Variants in ZNF608 observed in about 807,000 individuals in gnomAD.
ZNF608 encodes the protein zinc finger protein 608.
In ZNF608, 12 loss-of-function variants were observed where a neutral mutation model predicts 109.0. That is an observed-to-expected ratio of 0.11 (90% CI 0.07 to 0.18). ZNF608 has a LOEUF of 0.18. ZNF608 is among the 10% of genes least tolerant of loss of function. ZNF608 has a pLI of 1.00. For missense variants in ZNF608, 1,707 were observed against 1,879.3 expected (o/e 0.91, Z 1.70); for synonymous variants, 732 against 717.4 (o/e 1.02, Z -0.33).
chr5:124,738,148 T>C (rs1055925029), intron 2 of ZNF608, among the ~76,000 whole-genome samples: 2 of 152,216 alleles, frequency 1.3e-5, no homozygotes, highest in African/African-American at 4.8e-5. Context: ...CATACACATA[T>C]TACTTACTCT....
rs956421228 is a variant in ZNF608 at position 124,682,938 on chromosome 5, T to C, written c.1162+18076A>G. ...CCTGAGTGTGGGCTGAACTTACTTA[T>C]AACGAACAGAAGTAATGAGCTATCA... On this transcript the variant is annotated intron_variant, in intron 3 of 9. Transcript: ENST00000513986. 4.6e-5 allele frequency among the ~76,000 whole-genome samples: 7 copies of C among 152,316 alleles called. No individual in the cohort carries two copies. The East Asian group carries it at 1.4e-3, about 29-fold the overall frequency.
At chr5:124,664,010 T>C (rs933178779) in intron 3 of ZNF608, among the ~76,000 whole-genome samples, 2 of 152,226 alleles carry the variant, frequency 1.3e-5, no homozygotes, top group Non-Finnish European at 2.9e-5. Flanking sequence ...AACAAATCCT[T>C]AATTTTTAAC....
At chr5:124,724,594 A>G (rs910986854) in intron 2 of ZNF608, among the ~76,000 whole-genome samples, 3 of 151,166 alleles carry the variant, frequency 2.0e-5, no homozygotes, top group Non-Finnish European at 2.9e-5. Flanking sequence ...CATCAGCTAT[A>G]TTAATTCAAC....
Position 124,744,485 on chromosome 5 carries a change from T to A in ZNF608, c.505A>T (p.Ser169Cys), listed in dbSNP as rs886209250. The A allele has an allele frequency of 6.2e-7, 1 of 1,614,238 alleles. No individual in the cohort carries two copies. Among genetic ancestry groups the A allele is most frequent in the Admixed American group, 1.7e-5 (1 of 60,034 alleles). The change falls in exon 2 of 10, where the codon AGT (serine) becomes TGT (cysteine). Residue 169 changes from serine to cysteine, a missense_variant. Ser to Cys is a moderately radical substitution (Grantham distance 112). Transcript: ENST00000513986. This position sits in a 1 kb window ranked among gnomAD's most constrained non-coding sequence, Gnocchi z 4.5. Reference sequence around the variant, plus strand: ...GCGGCAGAGGTGCTGGTGCTGGTACTATTGCTGTTTGGGTTGCCGCTGCCG... The same window carrying A: ...GCGGCAGAGGTGCTGGTGCTGGTACAATTGCTGTTTGGGTTGCCGCTGCCG... ...SGGSGNPNSNSTSTSTSAATA... is the reference protein window; with the variant it reads ...SGGSGNPNSNCTSTSTSAATA...
At chr5:124,686,347 G>T (rs1298278941) in intron 3 of ZNF608, among the ~76,000 whole-genome samples, 1 of 152,198 alleles carries the variant, frequency 6.6e-6, no homozygotes, top group Non-Finnish European at 1.5e-5. Context: ...GCTTTGCCAT[G>T]AAGATTGTCC....
rs543389567 is a variant in ZNF608, at chr5:124,646,205, C to CA, written c.3705+473dup. Among the ~76,000 whole-genome samples the CA allele has an allele frequency of 8.8e-3, 1,331 of 152,074 alleles. 15 individuals are homozygous for CA. Among genetic ancestry groups the CA allele is most frequent in the African/African-American group, 0.031 (1,281 of 41,466 alleles). Reference sequence around the variant, plus strand: ...TGAAACCCCATCTCTACTAAAAATACAAAAAATTAGCCGGGCATGGTGGCA... The same window carrying CA: ...TGAAACCCCATCTCTACTAAAAATACAAAAAAATTAGCCGGGCATGGTGGCA... On this transcript the variant is annotated intron_variant, in intron 5 of 9. Coordinates refer to ENST00000513986, the MANE Select transcript of ZNF608 (RefSeq NM_020747.3).
rs546179975 is a variant in ZNF608 at position 124,656,407 on chromosome 5, C to T, written c.1163-6710G>A. 3.3e-5 allele frequency among the ~76,000 whole-genome samples: 5 copies of T among 152,312 alleles called. No individual in the cohort carries two copies. The East Asian group carries it at 7.7e-4, about 23-fold the overall frequency. ...GCGGCTGGAATATGTTGGCATCACT[C>T]TATCTGCGTTAATTATAACCTCTCA... On this transcript the variant is annotated intron_variant, in intron 3 of 9. Transcript: ENST00000513986.
At chr5:124,706,345 C>G (rs1454381877) in intron 2 of ZNF608, among the ~76,000 whole-genome samples, 1 of 152,076 alleles carries the variant, frequency 6.6e-6, no homozygotes, top group Non-Finnish European at 1.5e-5. Flanking sequence ...AGGTAGCACT[C>G]AATAAACAGG....
chr5:124,647,411 C>A lies in ZNF608; in HGVS notation c.2973G>T (p.Glu991Asp). 6.2e-7 allele frequency: 1 copy of A among 1,614,196 alleles called. No individual in the cohort carries two copies. The highest frequency in any genetic ancestry group is 1.1e-5 in the South Asian group (1 of 91,074). ...STTAQSSQLK[E>D]SHSPYYHSYD... is the part of the protein sequence containing the mutation. The stretch of plus-strand genomic sequence containing the variant: ...AGCTGTGGTAATAGGGAGAATGGGA[C>A]TCTTTCAGTTGAGATGATTGTGCTG... The change falls in exon 5 of 10, where the codon GAG becomes GAT. Residue 991 changes from glutamate to aspartate, a missense_variant. Physicochemically the swap from Glu to Asp is conservative, Grantham distance 45. Transcript: ENST00000513986.
intron 3 of ZNF608, among the ~76,000 whole-genome samples, chr5:124,680,951 C>T (rs1752169593): frequency 6.6e-6 from 1 of 151,946 alleles, no homozygotes; most frequent in Admixed American, 6.6e-5. Flanking sequence ...ATACAAAACG[C>T]ATATAAACCA....
intron 3 of ZNF608, among the ~76,000 whole-genome samples, chr5:124,688,629 G>A (rs2149834334): frequency 6.6e-6 from 1 of 152,254 alleles, no homozygotes; most frequent in South Asian, 2.1e-4. Context: ...TCAGTTTCCT[G>A]AAAATTGATC....
At chr5:124,716,907 AC>A (rs1753726107) in intron 2 of ZNF608, among the ~76,000 whole-genome samples, 1 of 151,100 alleles carries the variant, frequency 6.6e-6, no homozygotes, top group African/African-American at 2.4e-5. Flanking sequence ...ACCTGGAGAA[AC>A]CCCGTCTCTA....
chr5:124,660,808 C>T (rs1243098710), intron 3 of ZNF608, among the ~76,000 whole-genome samples: 2 of 152,194 alleles, frequency 1.3e-5, no homozygotes, highest in East Asian at 3.9e-4. Context: ...TTAAACTCTC[C>T]TGTAACTCAC....
chr5:124,652,978 T>C (rs557402761), intron 3 of ZNF608, among the ~76,000 whole-genome samples: 1 of 152,366 alleles, frequency 6.6e-6, no homozygotes, highest in South Asian at 2.1e-4. Context: ...AGCTAGGTGT[T>C]GGGGACGTTC....
intron 3 of ZNF608, among the ~76,000 whole-genome samples, chr5:124,661,493 A>T: frequency 6.6e-6 from 1 of 151,990 alleles, no homozygotes; most frequent in East Asian, 1.9e-4. Flanking sequence ...GAAAAAAAAA[A>T]AAAAGCCCCA....
At chr5:124,693,972 A>ATTTTTTTTTTTTTTTTTTTTTTTTTTTT (rs1561564262) in intron 3 of ZNF608, among the ~76,000 whole-genome samples, 1 of 23,298 alleles carries the variant, frequency 4.3e-5, no homozygotes, top group Non-Finnish European at 7.5e-5. Context: ...CATTTCATTA[A>ATTTTTTTTTTTTTTTTTTTTTTTTTTTT]TCTTTTTTTT....
rs1750715783 is a variant in ZNF608 at position 124,650,136 on chromosome 5, A to G, written c.1163-439T>C. On this transcript the variant is annotated intron_variant, in intron 3 of 9. Transcript: ENST00000513986. ...CTGAAAGGAATCGGTTTTGTTTCCA[A>G]TTCAACAATATAAAATGATGGTGAT... Among the ~76,000 whole-genome samples, 5 of 152,242 alleles carry G rather than the reference A, an allele frequency of 3.3e-5. No homozygotes were observed. The South Asian group carries it at 1.0e-3, about 31-fold the overall frequency.
intron 3 of ZNF608, among the ~76,000 whole-genome samples, chr5:124,695,119 C>T (rs1192785707): frequency 1.3e-5 from 2 of 152,110 alleles, no homozygotes; most frequent in Non-Finnish European, 2.9e-5. Flanking sequence ...AAGAAGCATG[C>T]CCACTAGACA....
chr5:124,646,247 G>C (rs1750494877), intron 5 of ZNF608, among the ~76,000 whole-genome samples: 1 of 152,154 alleles, frequency 6.6e-6, no homozygotes, highest in African/African-American at 2.4e-5. Flanking sequence ...TGTAGTCCCA[G>C]CTACTCAGGA....
Sources: allele counts gnomAD v4.1 joint callset (sites outside exome capture counted in the v4.1 genomes callset), GRCh38; gene constraint gnomAD v4.1.1; non-coding constraint Gnocchi (gnomAD v3.1); transcripts MANE v1.5; gene names NCBI Gene and HGNC (gene_info 2026-07-23, HGNC 2026-07-21).